Variants in RBPJ observed in about 807,000 individuals in gnomAD.
RBPJ encodes the protein recombination signal binding protein for immunoglobulin kappa J region.
In RBPJ, 9 loss-of-function variants were observed where a neutral mutation model predicts 67.8. That is an observed-to-expected ratio of 0.13 (90% confidence interval 0.08 to 0.23). The LOEUF (loss-of-function observed/expected upper bound fraction) is 0.23. Ranked by LOEUF, RBPJ falls within the 10% of genes least tolerant of loss-of-function variation. RBPJ has a pLI of 1.00. For missense variants in RBPJ, 305 were observed against 595.6 expected, an observed-to-expected ratio of 0.51 and a Z score of 5.08; for synonymous variants, 198 against 203.3, an observed-to-expected ratio of 0.97 and a Z score of 0.22.
the RBPJ span, chr4:26,113,671 G>T: frequency 3.7e-6 from 1 of 269,956 alleles, no homozygotes; most frequent in Non-Finnish European, 7.9e-6. Flanking sequence ...CATGTCATGA[G>T]TGTGGAAAAT....
chr4:26,140,885 G>A, the RBPJ span, among the ~76,000 whole-genome samples: 2 of 131,898 alleles, frequency 1.5e-5, no homozygotes, highest in South Asian at 5.1e-4. Context: ...TGCAATATTT[G>A]AGAATGGCAG....
chr4:26,314,805 A>G (rs1025475963), upstream of RBPJ, among the ~76,000 whole-genome samples: 5 of 151,998 alleles, frequency 3.3e-5, no homozygotes, highest in Non-Finnish European at 7.3e-5. Flanking sequence ...ACAGACTAAT[A>G]TAGTTTCCAT....
At chr4:26,422,443 G>A (rs1207637304) in intron 5 of RBPJ, among the ~76,000 whole-genome samples, 1 of 152,154 alleles carries the variant, frequency 6.6e-6, no homozygotes, top group Admixed American at 6.5e-5. Flanking sequence ...TGCCATATCA[G>A]CTATTTGCTT....
intron 1 of RBPJ, among the ~76,000 whole-genome samples, chr4:26,351,559 T>G (rs1365807769): frequency 6.6e-6 from 1 of 152,154 alleles, no homozygotes; most frequent in Non-Finnish European, 1.5e-5. Flanking sequence ...TTTTGTATTT[T>G]TTGTAGAGAG....
At chr4:26,153,354 G>T in the RBPJ span, among the ~76,000 whole-genome samples, 202 of 152,326 alleles carry the variant, frequency 1.3e-3, 2 homozygotes, top group Middle Eastern at 0.01. Context: ...TAACCAAGCA[G>T]CACAGTAGCA....
chr4:26,215,294 G>A, intron 1 of RBPJ, among the ~76,000 whole-genome samples: 1 of 104,762 alleles, frequency 9.5e-6, no homozygotes, highest in Non-Finnish European at 1.9e-5. Flanking sequence ...GAAAGAAAGA[G>A]AAAAAGAGAG....
chr4:26,347,417 A>G (rs919441107), intron 1 of RBPJ, among the ~76,000 whole-genome samples: 1 of 152,202 alleles, frequency 6.6e-6, no homozygotes, highest in Non-Finnish European at 1.5e-5. Context: ...CTGTTAGCAA[A>G]CAAGGTAGAA....
chr4:26,328,087 A>G (rs573546305), intron 1 of RBPJ, among the ~76,000 whole-genome samples: 3 of 151,750 alleles, frequency 2.0e-5, no homozygotes, highest in African/African-American at 7.2e-5. Flanking sequence ...ATTGTGCCTG[A>G]TTTTGCCAGC....
At chr4:26,126,136 G>A in the RBPJ span, among the ~76,000 whole-genome samples, 1 of 152,176 alleles carries the variant, frequency 6.6e-6, no homozygotes, top group Non-Finnish European at 1.5e-5. Flanking sequence ...TCAATTCCTT[G>A]AATGGAAAAG....
chr4:26,111,168 C>T, the RBPJ span, among the ~76,000 whole-genome samples: 1 of 152,074 alleles, frequency 6.6e-6, no homozygotes, highest in Non-Finnish European at 1.5e-5. Context: ...CACTTGTCTC[C>T]ACTCTACTGT....
At chr4:26,390,662 G>A (rs1731407485) in intron 2 of RBPJ, among the ~76,000 whole-genome samples, 1 of 152,152 alleles carries the variant, frequency 6.6e-6, no homozygotes, top group Admixed American at 6.6e-5. Flanking sequence ...ATCAGGAAAA[G>A]TCTGACAAAA....
intron 2 of RBPJ, among the ~76,000 whole-genome samples, chr4:26,405,660 T>C (rs893853143): frequency 9.2e-5 from 14 of 152,168 alleles, no homozygotes; most frequent in African/African-American, 3.4e-4. Flanking sequence ...TAGGCCTTTC[T>C]TGGTCCTTAT....
the RBPJ span, among the ~76,000 whole-genome samples, chr4:26,117,222 C>T: frequency 6.6e-6 from 1 of 151,898 alleles, no homozygotes; most frequent in Non-Finnish European, 1.5e-5. Flanking sequence ...GTACTCCTGC[C>T]CCATGCGGCT....
At chr4:26,410,220 A>G (rs1294904249) in intron 3 of RBPJ, 2 of 268,226 alleles carry the variant, frequency 7.5e-6, no homozygotes, top group Non-Finnish European at 1.5e-5. Context: ...GCAAAGGCGT[A>G]AGGCGTGAGG....
chr4:26,349,520 T>G (rs1438129015), intron 1 of RBPJ, among the ~76,000 whole-genome samples: 1 of 152,256 alleles, frequency 6.6e-6, no homozygotes, highest in East Asian at 1.9e-4. Flanking sequence ...TATAAGTAAG[T>G]GATTTTCTTA....
upstream of RBPJ, among the ~76,000 whole-genome samples, chr4:26,319,121 C>T (rs778260444): frequency 7.2e-5 from 11 of 151,958 alleles, 1 homozygote; most frequent in Non-Finnish European, 1.0e-4. Flanking sequence ...GACTCAAACC[C>T]GACTCTGGAG....
chr4:26,354,226 C>T (rs1013534845), intron 1 of RBPJ, among the ~76,000 whole-genome samples: 11 of 152,186 alleles, frequency 7.2e-5, no homozygotes, highest in South Asian at 2.1e-4. Context: ...CCACCCCGCC[C>T]GGCCATATTC....
At chr4:26,386,011 G>A (rs1259626730) in intron 1 of RBPJ, among the ~76,000 whole-genome samples, 2 of 152,060 alleles carry the variant, frequency 1.3e-5, no homozygotes, top group African/African-American at 2.4e-5. Context: ...TATAACGAAT[G>A]TATAGCATAG....
At chr4:26,176,515 G>T (rs1196254929) in intron 1 of RBPJ, among the ~76,000 whole-genome samples, 1 of 152,228 alleles carries the variant, frequency 6.6e-6, no homozygotes, top group African/African-American at 2.4e-5. Context: ...GTAAACAGCT[G>T]CTGGATGTAA....
Sources: allele counts gnomAD v4.1 joint callset (sites outside exome capture counted in the v4.1 genomes callset), GRCh38; gene constraint gnomAD v4.1.1; transcripts MANE v1.5; gene names NCBI Gene and HGNC (gene_info 2026-07-23, HGNC 2026-07-21).